Variants in CCDC7 observed in about 807,000 individuals in gnomAD.
CCDC7 encodes coiled-coil domain-containing protein 7.
CCDC7 carries 183 observed loss-of-function variants against 196.9 expected under a neutral mutation model. The observed-to-expected ratio is 0.93, with a 90% CI of 0.82 to 1.05. CCDC7 has a LOEUF of 1.05. Ranked by LOEUF, CCDC7 falls within the 50% of genes least tolerant of loss-of-function variation. The pLI, the probability that CCDC7 is intolerant of heterozygous loss-of-function variation, is 0.00. For missense variants in CCDC7, 1,540 were observed against 1,482.2 expected, an observed-to-expected ratio of 1.04 and a Z score of -0.64; for synonymous variants, 525 against 484.6, an observed-to-expected ratio of 1.08 and a Z score of -1.10.
chr10:32,700,700 T>G (rs2141503915), intron 24 of CCDC7, among the ~76,000 whole-genome samples: 1 of 152,342 alleles, frequency 6.6e-6, no homozygotes, highest in South Asian at 2.1e-4. Flanking sequence ...TGGAATGGTC[T>G]TCCATTTGTT....
intron 25 of CCDC7, among the ~76,000 whole-genome samples, chr10:32,723,300 T>C (rs1037011181): frequency 2.0e-5 from 3 of 152,144 alleles, no homozygotes; most frequent in African/African-American, 7.2e-5. Flanking sequence ...CAGCAGCTAC[T>C]TTTTCAATTC....
chr10:32,493,206 T>C (rs545832549), intron 9 of CCDC7, among the ~76,000 whole-genome samples: 1 of 152,084 alleles, frequency 6.6e-6, no homozygotes, highest in East Asian at 1.9e-4. Flanking sequence ...CATTCTGTTC[T>C]CTATTTCCAT....
intron 31 of CCDC7, among the ~76,000 whole-genome samples, chr10:32,819,635 A>T (rs1380784197): frequency 6.6e-6 from 1 of 152,232 alleles, no homozygotes; most frequent in Admixed American, 6.5e-5. Flanking sequence ...AATGGGCTTC[A>T]TCCCTGGGAT....
intron 41 of CCDC7, among the ~76,000 whole-genome samples, chr10:32,859,007 A>T (rs1184546786): frequency 6.6e-6 from 1 of 152,186 alleles, no homozygotes; most frequent in Non-Finnish European, 1.5e-5. Flanking sequence ...TAGACAGATC[A>T]ATAAGACAGA....
chr10:32,811,680 C>A (rs1331206624), intron 30 of CCDC7, among the ~76,000 whole-genome samples: 1 of 151,970 alleles, frequency 6.6e-6, no homozygotes, highest in East Asian at 1.9e-4. Context: ...CAAACTATTC[C>A]AAAAAATTGA....
chr10:32,592,656 C>T (rs1422005049), intron 18 of CCDC7, among the ~76,000 whole-genome samples: 1 of 152,022 alleles, frequency 6.6e-6, no homozygotes, highest in East Asian at 1.9e-4. Flanking sequence ...CCCGTTAACT[C>T]GTCATTTACA....
chr10:32,726,525 T>C (rs1167187793), intron 25 of CCDC7, among the ~76,000 whole-genome samples: 1 of 152,078 alleles, frequency 6.6e-6, no homozygotes, highest in Non-Finnish European at 1.5e-5. Context: ...ATTTATGATA[T>C]AATGAGACAG....
At chr10:32,627,244 C>T (rs1373752879) in intron 18 of CCDC7, among the ~76,000 whole-genome samples, 1 of 151,602 alleles carries the variant, frequency 6.6e-6, no homozygotes, top group Non-Finnish European at 1.5e-5. Context: ...GGTCTTTTAT[C>T]TCTTTGGTCA....
chr10:32,522,348 T>C (rs2048002830), intron 11 of CCDC7, among the ~76,000 whole-genome samples: 1 of 152,214 alleles, frequency 6.6e-6, no homozygotes, highest in South Asian at 2.1e-4. Context: ...TTGATCTCGT[T>C]ACTTTTTGTT....
intron 28 of CCDC7, among the ~76,000 whole-genome samples, chr10:32,759,771 G>T (rs1284212916): frequency 1.3e-5 from 2 of 152,156 alleles, no homozygotes; most frequent in African/African-American, 2.4e-5. Context: ...AAGAGCTTCT[G>T]CACAGCAAAA....
downstream of CCDC7, among the ~76,000 whole-genome samples, chr10:32,877,954 T>A (rs2094648645): frequency 6.6e-6 from 1 of 152,070 alleles, no homozygotes; most frequent in African/African-American, 2.4e-5. Flanking sequence ...CAGTTGATTT[T>A]TTTTTTTTTA....
chr10:32,633,963 C>G (rs1157452720), intron 18 of CCDC7, among the ~76,000 whole-genome samples: 1 of 151,060 alleles, frequency 6.6e-6, no homozygotes, highest in Non-Finnish European at 1.5e-5. Context: ...TTTTCTTCAT[C>G]TCTCCTTCAT....
chr10:32,653,785 G>C (rs2069235441), intron 20 of CCDC7, among the ~76,000 whole-genome samples: 1 of 152,156 alleles, frequency 6.6e-6, no homozygotes, highest in Non-Finnish European at 1.5e-5. Flanking sequence ...ATCACAATTT[G>C]ACTATGATAC....
chr10:32,620,741 T>G (rs1564850082), intron 18 of CCDC7, among the ~76,000 whole-genome samples: 1 of 152,152 alleles, frequency 6.6e-6, no homozygotes, highest in Non-Finnish European at 1.5e-5. Flanking sequence ...TTAGATACTG[T>G]TAAGTGGTTG....
intron 30 of CCDC7, among the ~76,000 whole-genome samples, chr10:32,805,390 C>T (rs2135165244): frequency 6.6e-6 from 1 of 152,244 alleles, no homozygotes; most frequent in East Asian, 1.9e-4. Flanking sequence ...ATTTTAGTCC[C>T]TTTCTATTTA....
At chr10:32,790,369 T>A (rs1404158643) in intron 29 of CCDC7, among the ~76,000 whole-genome samples, 1 of 152,192 alleles carries the variant, frequency 6.6e-6, no homozygotes, top group Non-Finnish European at 1.5e-5. Flanking sequence ...CCTGCGGAAC[T>A]AACACCACAT....
chr10:32,681,629 C>T (rs2075857998), intron 21 of CCDC7, among the ~76,000 whole-genome samples: 2 of 151,996 alleles, frequency 1.3e-5, no homozygotes, highest in South Asian at 4.1e-4. Context: ...TTGGGAATCT[C>T]TATGATAATT....
chr10:32,747,708 A>C (rs2075021008), intron 28 of CCDC7, among the ~76,000 whole-genome samples: 1 of 152,198 alleles, frequency 6.6e-6, no homozygotes, highest in Non-Finnish European at 1.5e-5. Context: ...AGTAAAAAAT[A>C]ACAGATCCTA....
intron 29 of CCDC7, among the ~76,000 whole-genome samples, chr10:32,802,069 G>T (rs183630229): frequency 6.6e-6 from 1 of 152,304 alleles, no homozygotes; most frequent in Non-Finnish European, 1.5e-5. Flanking sequence ...ATAAGAGCTT[G>T]TGTCTGATTT....
Sources: allele counts gnomAD v4.1 joint callset (sites outside exome capture counted in the v4.1 genomes callset), GRCh38; gene constraint gnomAD v4.1.1; transcripts MANE v1.5; gene names NCBI Gene and HGNC (gene_info 2026-07-23, HGNC 2026-07-21).